Variants in DLGAP2 observed in about 807,000 individuals in gnomAD.
The protein encoded by DLGAP2 is DLG associated protein 2.
DLGAP2 carries 26 observed loss-of-function variants against 100.3 expected under a neutral mutation model. The observed-to-expected ratio is 0.26, with a 90% CI of 0.19 to 0.36. The LOEUF is 0.36. Among genes scored for constraint, DLGAP2 ranks in the 10% least tolerant of loss-of-function variants. The pLI is 1.00. For missense variants in DLGAP2, 1,858 were observed against 1,453.2 expected (o/e 1.28, Z -4.53); for synonymous variants, 886 against 630.1 (o/e 1.41, Z -6.08).
chr8:1,559,737 C>A (rs1802095738), intron 5 of DLGAP2, among the ~76,000 whole-genome samples: 1 of 152,248 alleles, frequency 6.6e-6, no homozygotes, highest in African/African-American at 2.4e-5. Context: ...CATCTGCCAC[C>A]AGCCAGCCTC....
chr8:1,482,579 G>C (rs1799126490), intron 3 of DLGAP2, among the ~76,000 whole-genome samples: 1 of 152,270 alleles, frequency 6.6e-6, no homozygotes, highest in Non-Finnish European at 1.5e-5. Context: ...CAGCTCACTG[G>C]CATGGCTCGC....
At chr8:1,560,294 A>C (rs1473431977) in intron 5 of DLGAP2, among the ~76,000 whole-genome samples, 2 of 152,230 alleles carry the variant, frequency 1.3e-5, no homozygotes, top group Non-Finnish European at 2.9e-5. Context: ...GCATCTTTTC[A>C]TCACTAAATG....
At chr8:1,623,696 A>ATGTG (rs1797416293) in intron 6 of DLGAP2, among the ~76,000 whole-genome samples, 2 of 152,184 alleles carry the variant, frequency 1.3e-5, no homozygotes, top group Non-Finnish European at 2.9e-5. Flanking sequence ...ACCAGTGCAC[A>ATGTG]ATGACCTTGC....
rs528519242 is a variant in DLGAP2 at position 1,704,246 on chromosome 8, T to G, written c.*2840T>G. 1 of 152,396 alleles carries G rather than the reference T, an allele frequency of 6.6e-6. No homozygotes were observed. Among genetic ancestry groups the G allele is most frequent in the South Asian group, 2.1e-4 (1 of 4,828 alleles). The allele number at this position is 152,396 out of a possible 1,614,324, so 9.4% of individuals were successfully genotyped here. A position where few individuals can be genotyped will look rare whatever the true frequency, so the allele number is the denominator to read the frequency against. ...GTAAACATCCATTGGAGAACACGGC[T>G]GAAAATTATTGTGCTGTTCTAGGAA... On this transcript the variant is annotated 3_prime_UTR_variant, in exon 15 of 15. Coordinates refer to ENST00000637795, the MANE Select transcript of DLGAP2 (RefSeq NM_001346810.2).
At position 1,207,547 on chromosome 8, in the gene DLGAP2, T is replaced by C. The variant is rs147488716; in HGVS notation, c.74-51304T>C. ...TACACATGCATGTGCAAGGATCTTT[T>C]TCGTATAATGAGCCTTTTCTTCTGG... On this transcript the variant is annotated intron_variant, in intron 2 of 14. Coordinates refer to ENST00000637795, the MANE Select transcript of DLGAP2 (RefSeq NM_001346810.2). Among the ~76,000 whole-genome samples, 666 of 152,348 alleles carry C rather than the reference T, an allele frequency of 4.4e-3. 11 individuals are homozygous for C. Among genetic ancestry groups the C allele is most frequent in the African/African-American group, 0.015 (621 of 41,578 alleles).
intron 2 of DLGAP2, among the ~76,000 whole-genome samples, chr8:1,157,087 A>G (rs1261972562): frequency 6.6e-6 from 1 of 152,160 alleles, no homozygotes; most frequent in Non-Finnish European, 1.5e-5. Flanking sequence ...AGTTAATTAC[A>G]GAAGTTTTGA....
chr8:1,603,772 G>T (rs1342297831), intron 6 of DLGAP2, among the ~76,000 whole-genome samples: 1 of 152,182 alleles, frequency 6.6e-6, no homozygotes, highest in African/African-American at 2.4e-5. Context: ...ATTTATCTAA[G>T]GGACTGGGGC....
intron 3 of DLGAP2, among the ~76,000 whole-genome samples, chr8:1,350,159 T>A (rs1380274619): frequency 6.6e-6 from 1 of 151,952 alleles, no homozygotes; most frequent in Admixed American, 6.6e-5. Flanking sequence ...CCCGACTACT[T>A]CATGCTCTTG....
At chr8:994,516 C>T (rs1387074707) in intron 2 of DLGAP2, among the ~76,000 whole-genome samples, 3 of 152,120 alleles carry the variant, frequency 2.0e-5, no homozygotes, top group African/African-American at 4.8e-5. Flanking sequence ...TTTTTAATAA[C>T]GGTTGTCTCT....
At chr8:1,604,728 G>C (rs1231043550) in intron 6 of DLGAP2, 1 of 152,102 alleles carries the variant, frequency 6.6e-6, no homozygotes, top group African/African-American at 2.4e-5. Context: ...ATGTCTTCTT[G>C]TTGCTCCGAC....
chr8:1,310,199 A>G (rs750583450), intron 3 of DLGAP2, among the ~76,000 whole-genome samples: 1 of 152,198 alleles, frequency 6.6e-6, no homozygotes, highest in Non-Finnish European at 1.5e-5. Flanking sequence ...GCAACAGGAA[A>G]TAAAAGGGAA....
chr8:1,166,203 A>G (rs1797012201), intron 2 of DLGAP2, among the ~76,000 whole-genome samples: 1 of 152,156 alleles, frequency 6.6e-6, no homozygotes, highest in African/African-American at 2.4e-5. Flanking sequence ...TATATATTTT[A>G]AACAAATGCC....
intron 2 of DLGAP2, among the ~76,000 whole-genome samples, chr8:1,254,888 C>G (rs12549551): frequency 3.3e-4 from 42 of 128,778 alleles, no homozygotes; most frequent in Middle Eastern, 7.9e-3. Context: ...CTCCTGCCCG[C>G]GTGCTGTGTC....
chr8:1,561,027 C>A (rs1378436330), intron 5 of DLGAP2, among the ~76,000 whole-genome samples: 1 of 152,156 alleles, frequency 6.6e-6, no homozygotes, highest in Non-Finnish European at 1.5e-5. Context: ...GAGAGGGACC[C>A]AGTAGGAGGT....
At chr8:829,650 C>T (rs1585908360) in intron 1 of DLGAP2, among the ~76,000 whole-genome samples, 1 of 152,182 alleles carries the variant, frequency 6.6e-6, no homozygotes, top group East Asian at 1.9e-4. Flanking sequence ...AGCCATATGT[C>T]TTACCATAGA....
At chr8:1,258,315 G>A (rs941641739) in intron 2 of DLGAP2, among the ~76,000 whole-genome samples, 1 of 152,010 alleles carries the variant, frequency 6.6e-6, no homozygotes, top group East Asian at 1.9e-4. Context: ...AAGTATATTC[G>A]CTGTGTGCAT....
intron 2 of DLGAP2, among the ~76,000 whole-genome samples, chr8:1,189,381 A>G (rs1797586940): frequency 1.3e-5 from 2 of 152,232 alleles, no homozygotes; most frequent in Non-Finnish European, 2.9e-5. Context: ...CCTAAATAAC[A>G]TTAAGACACT....
chr8:790,349 A>G (rs1395231336), intron 1 of DLGAP2, among the ~76,000 whole-genome samples: 1 of 152,232 alleles, frequency 6.6e-6, no homozygotes, highest in African/African-American at 2.4e-5. Flanking sequence ...GAGATGACGT[A>G]ACCAAAATGA....
chr8:1,218,383 A>G (rs867212978), intron 2 of DLGAP2, among the ~76,000 whole-genome samples: 4 of 152,152 alleles, frequency 2.6e-5, no homozygotes, highest in African/African-American at 9.7e-5. Context: ...AACTTTGTCA[A>G]AGATCAGTTG....
Sources: gnomAD v4.1 joint callset for allele counts (sites outside exome capture counted in the v4.1 genomes callset) on GRCh38, gnomAD v4.1.1 for gene constraint, MANE v1.5 for transcripts, NCBI Gene and HGNC (gene_info 2026-07-23, HGNC 2026-07-21) for gene names.